MBOAT2: variants seen among roughly 807,000 people sequenced by gnomAD.
The protein encoded by MBOAT2 is membrane bound glycerophospholipid O-acyltransferase 2.
In MBOAT2, 28 loss-of-function variants were observed where a neutral mutation model predicts 63.4. The observed-to-expected ratio is 0.44, with a 90% CI of 0.33 to 0.61. The LOEUF is 0.61. MBOAT2 is among the 20% of genes least tolerant of loss of function. The pLI is 0.03. For synonymous variants in MBOAT2, 211 were observed against 215.6 expected (o/e 0.98, Z 0.19); for missense variants, 470 against 605.8 (o/e 0.78, Z 2.35).
chr2:8,891,717 C>T (rs1274793059), intron 4 of MBOAT2, among the ~76,000 whole-genome samples: 2 of 152,216 alleles, frequency 1.3e-5, no homozygotes, highest in Non-Finnish European at 2.9e-5. Context: ...AAAGAACCTC[C>T]TGTTTCCCTA....
In MBOAT2 at chr2:8,867,499, A is replaced by T. The variant is rs532638316; in HGVS notation, c.987+947T>A. Among the ~76,000 whole-genome samples the T allele has an allele frequency of 7.2e-5, 11 of 152,244 alleles. 1 individual carries two copies. The South Asian group carries it at 2.3e-3, about 32-fold the overall frequency. On this transcript the variant is annotated intron_variant, in intron 9 of 12. Transcript: ENST00000305997. ...TGCCTCTGCTGAGTGTCTGACCATG[A>T]TCTGCCTCGTGGACAACTCACTAAG...
chr2:8,894,991 T>C (rs7607250), intron 4 of MBOAT2, among the ~76,000 whole-genome samples: 13,917 of 152,200 alleles, frequency 0.091, 1,118 homozygotes, highest in African/African-American at 0.22. Flanking sequence ...TTCCTCCCAG[T>C]GGGTTCGTGG....
At position 8,862,710 on chromosome 2, in the gene MBOAT2, T is replaced by A. The variant is rs893319735; in HGVS notation, c.1065A>T (p.Glu355Asp). The stretch of plus-strand genomic sequence containing the variant: ...GGATAGTTGGACTGAAGGAGGTTCG[T>A]TCATAACACACCCTAGAAACCATGA... ...TALWLKRVCYERTSFSPTIQT... is the reference protein window; with the variant it reads ...TALWLKRVCYDRTSFSPTIQT... Residue 355 changes from glutamate to aspartate, a missense_variant, in exon 11 of 13, where the codon GAA (glutamate) becomes GAT (aspartate). Transcript: ENST00000305997. This position sits in a 1 kb window ranked among gnomAD's most constrained non-coding sequence, Gnocchi z 4.3. 6.2e-7 allele frequency: 1 copy of A among 1,613,646 alleles called. No individual in the cohort carries two copies. The highest frequency in any genetic ancestry group is 1.3e-5 in the African/African-American group (1 of 75,024).
At chr2:8,986,744 T>C (rs1558686710) in intron 1 of MBOAT2, among the ~76,000 whole-genome samples, 1 of 152,230 alleles carries the variant, frequency 6.6e-6, no homozygotes, top group East Asian at 1.9e-4. Flanking sequence ...TGAAGGTAGG[T>C]AGGGCCCTGG....
At chr2:8,864,045 G>C in intron 10 of MBOAT2, 125 bp downstream of exon 10, 1 of 632,172 alleles carries the variant, frequency 1.6e-6, no homozygotes, top group South Asian at 2.8e-5. Flanking sequence ...GTGTTTCCCG[G>C]CTGACACTGA....
In MBOAT2 at chr2:8,862,197, G is replaced by A. The variant is rs972357025; in HGVS notation, c.1185+393C>T. 16 of 884,360 alleles carry A rather than the reference G, an allele frequency of 1.8e-5. No individual in the cohort carries two copies. The highest frequency in any genetic ancestry group is 1.8e-5 in the Non-Finnish European group (12 of 657,814). The allele number at this position is 884,360 out of a possible 1,614,324, so 54.8% of individuals were successfully genotyped here. On this transcript the variant is annotated intron_variant, in intron 11 of 12. Coordinates refer to ENST00000305997, the MANE Select transcript of MBOAT2 (RefSeq NM_138799.4). The surrounding 1 kb of genome is among the most constrained non-coding windows in gnomAD (Gnocchi z 4.3). ...GTGGCTCATCCACTGTCTTGGCCTCGCACAGCCTAGTCTTCATCTGAGAGA... is the reference window on the plus strand; with the variant it reads ...GTGGCTCATCCACTGTCTTGGCCTCACACAGCCTAGTCTTCATCTGAGAGA...
chr2:8,865,879 A>C (rs1338820618), intron 9 of MBOAT2, among the ~76,000 whole-genome samples: 1 of 152,224 alleles, frequency 6.6e-6, no homozygotes, highest in Non-Finnish European at 1.5e-5. Context: ...TCTGCTAAAA[A>C]TACAAACATT....
At position 8,854,333 on chromosome 2, in the gene MBOAT2, G is replaced by A. The variant is rs896502420; in HGVS notation, c.*4346C>T. ...CAGCATCTAAGATGAGTGTATCAAC[G>A]ACCAGCCACTCATTAAATGCACACT... On this transcript the variant is annotated 3_prime_UTR_variant, in exon 13 of 13. Transcript: ENST00000305997. 7 of 152,176 alleles carry A rather than the reference G, an allele frequency of 4.6e-5. No individual in the cohort carries two copies. Among genetic ancestry groups the A allele is most frequent in the Admixed American group, 1.3e-4 (2 of 15,276 alleles). 9.4% of individuals were successfully genotyped at this position (152,176 alleles called of 1,614,324 possible).
chr2:8,968,479 C>A (rs1190285233), intron 1 of MBOAT2, among the ~76,000 whole-genome samples: 1 of 152,240 alleles, frequency 6.6e-6, no homozygotes, highest in East Asian at 1.9e-4. Flanking sequence ...TGTCTCTCCC[C>A]TTCCAAAGGA....
chr2:8,887,808 A>G lies in MBOAT2; in HGVS notation c.451+210T>C, dbSNP rs1379149560. On this transcript the variant is annotated intron_variant, in intron 5 of 12. Coordinates refer to ENST00000305997, the MANE Select transcript of MBOAT2 (RefSeq NM_138799.4). Reference sequence around the variant, plus strand: ...GACTAAATCACACTATTCTACTGTCACTGCACTGAATTCAAAACGAAGATA... The same window carrying G: ...GACTAAATCACACTATTCTACTGTCGCTGCACTGAATTCAAAACGAAGATA... Among the ~76,000 whole-genome samples, 6 of 152,230 alleles carry G rather than the reference A, an allele frequency of 3.9e-5. No individual in the cohort carries two copies. In the East Asian group the frequency reaches 1.2e-3, roughly 29 times the overall value.
intron 3 of MBOAT2, among the ~76,000 whole-genome samples, chr2:8,922,565 C>A (rs545400148): frequency 6.6e-6 from 1 of 152,296 alleles, no homozygotes; most frequent in South Asian, 2.1e-4. Context: ...TTTAAAGCCT[C>A]AGTGTTGCTT....
intron 3 of MBOAT2, among the ~76,000 whole-genome samples, chr2:8,917,300 C>A (rs1666252457): frequency 6.6e-6 from 1 of 151,904 alleles, no homozygotes; most frequent in African/African-American, 2.4e-5. Context: ...AAATTCACCA[C>A]TAAGGAAAGG....
intron 1 of MBOAT2, among the ~76,000 whole-genome samples, chr2:8,962,541 C>T (rs1486114960): frequency 6.6e-6 from 1 of 152,136 alleles, no homozygotes; most frequent in Non-Finnish European, 1.5e-5. Flanking sequence ...CTGCAATGTT[C>T]CAGAAATGCT....
At chr2:8,863,957 C>T (rs1171862581) in intron 10 of MBOAT2, among the ~76,000 whole-genome samples, 1 of 152,162 alleles carries the variant, frequency 6.6e-6, no homozygotes, top group Non-Finnish European at 1.5e-5. Flanking sequence ...GATAGCTGCA[C>T]CTGCAGGATA....
intron 4 of MBOAT2, among the ~76,000 whole-genome samples, chr2:8,906,191 C>T (rs1276939251): frequency 1.3e-5 from 2 of 152,202 alleles, no homozygotes; most frequent in Non-Finnish European, 2.9e-5. Context: ...CCAGGTGATC[C>T]ACCTGCCTTG....
chr2:8,988,850 A>T (rs1361443320), intron 1 of MBOAT2, among the ~76,000 whole-genome samples: 1 of 152,210 alleles, frequency 6.6e-6, no homozygotes, highest in Non-Finnish European at 1.5e-5. Flanking sequence ...ACTCATGCAT[A>T]ATAATATCCA....
At chr2:8,860,501 A>G (rs1661418092) in intron 12 of MBOAT2, 112 bp downstream of exon 12, 2 of 1,084,228 alleles carry the variant, frequency 1.8e-6, no homozygotes, top group Non-Finnish European at 2.7e-6. Context: ...TAATGCATTT[A>G]TCAGCAGGAA....
intron 1 of MBOAT2, among the ~76,000 whole-genome samples, chr2:8,995,308 C>T (rs1672207645): frequency 6.6e-6 from 1 of 152,208 alleles, no homozygotes; most frequent in African/African-American, 2.4e-5. Context: ...TGGCTCAGGC[C>T]TCCCATTCCG....
chr2:8,874,172 G>A (rs755974464), intron 7 of MBOAT2, among the ~76,000 whole-genome samples: 7 of 152,204 alleles, frequency 4.6e-5, no homozygotes, highest in Non-Finnish European at 8.8e-5. Context: ...AGTGCCAGAA[G>A]AAAAGCTCCA....
Sources: gnomAD v4.1 joint callset for allele counts (sites outside exome capture counted in the v4.1 genomes callset) on GRCh38, gnomAD v4.1.1 for gene constraint, Gnocchi (gnomAD v3.1) non-coding constraint, MANE v1.5 for transcripts, NCBI Gene and HGNC (gene_info 2026-07-23, HGNC 2026-07-21) for gene names.